Variants in EMB observed in about 807,000 individuals in gnomAD.
EMB encodes the protein embigin, also known as embigin homolog.
In EMB, 31 loss-of-function variants were observed where a neutral mutation model predicts 41.4. That is an observed-to-expected ratio of 0.75 (90% CI 0.56 to 1.01). The LOEUF (loss-of-function observed/expected upper bound fraction) is 1.01, where lower values mean the gene tolerates loss of function less well. Among genes scored for constraint, EMB ranks in the 50% least tolerant of loss-of-function variants. The probability of loss-of-function intolerance (pLI) is 0.00; values close to 1 mark genes in which losing one functional copy is unlikely to be tolerated. For synonymous variants in EMB, 137 were observed against 140.4 expected (o/e 0.98, Z 0.17); for missense variants, 379 against 388.3 (o/e 0.98, Z 0.20).
At chr5:50,422,278 T>C (rs1308258591) in intron 2 of EMB, among the ~76,000 whole-genome samples, 1 of 152,152 alleles carries the variant, frequency 6.6e-6, no homozygotes, top group Non-Finnish European at 1.5e-5. Context: ...TTTTAATGGA[T>C]TGGAGTAAAA....
Position 50,441,057 on chromosome 5 carries a change from G to A in EMB, c.95C>T (p.Ala32Val). The change falls in exon 1 of 9, where the codon GCG becomes GTG. Residue 32 changes from alanine to valine, a missense_variant. Ala to Val is a moderately conservative substitution (Grantham distance 64). Coordinates refer to ENST00000303221, the MANE Select transcript of EMB (RefSeq NM_198449.3). ...CATCACACCTGGGGCACTGCCGTCC[G>A]CCGAGCTTGGGCGCGCGGCAGCGAG... Reference protein sequence around the residue: ...CLLAAARPSSADGSAPDSPFT... With the variant: ...CLLAAARPSSVDGSAPDSPFT... 6.6e-7 allele frequency: 1 copy of A among 1,508,878 alleles called. No homozygotes were observed. Among genetic ancestry groups the A allele is most frequent in the South Asian group, 1.2e-5 (1 of 80,104 alleles). The allele number at this position is 1,508,878 out of a possible 1,614,324, so 93.5% of individuals were successfully genotyped here. A position where few individuals can be genotyped will look rare whatever the true frequency, so the allele number is the denominator to read the frequency against.
At chr5:50,403,143 TA>T in intron 6 of EMB, 34 bp downstream of exon 6, 2 of 1,311,338 alleles carry the variant, frequency 1.5e-6, no homozygotes, top group African/African-American at 1.6e-5. Context: ...TAATACTTTC[TA>T]AAAAAAACAA....
chr5:50,412,222 A>G (rs1287508272), intron 2 of EMB, among the ~76,000 whole-genome samples: 1 of 143,000 alleles, frequency 7.0e-6, no homozygotes, highest in African/African-American at 2.8e-5. Context: ...TATCTTGAAA[A>G]CAATACACAC....
intron 5 of EMB, 52 bp from the exon 6 acceptor site, chr5:50,403,506 C>A: frequency 6.4e-7 from 1 of 1,567,146 alleles, no homozygotes. Flanking sequence ...ATAAAAGATA[C>A]ATGACATAGT....
At chr5:50,428,880 A>ATTTATT (rs1194386847) in intron 1 of EMB, among the ~76,000 whole-genome samples, 2,247 of 151,408 alleles carry the variant, frequency 0.015, 56 homozygotes, top group African/African-American at 0.051. Flanking sequence ...TATTTATTTT[A>ATTTATT]TTTATTTTTA....
In EMB at chr5:50,441,080, G is replaced by T; in HGVS notation, c.72C>A (p.Leu24=). The T allele has an allele frequency of 2.0e-6, 3 of 1,518,202 alleles. No homozygotes were observed. Among genetic ancestry groups the T allele is most frequent in the Non-Finnish European group, 2.6e-6 (3 of 1,135,332 alleles). 94.0% of individuals were successfully genotyped at this position (1,518,202 alleles called of 1,614,324 possible). ...TPRLLLLQCL[L]AAARPSSADG... ...CCGCCGAGCTTGGGCGCGCGGCAGC[G>T]AGAAGGCACTGGAGGAGGAGCAGCC... The change falls in exon 1 of 9, where the codon CTC becomes CTA. Residue 24 remains leucine (L), a synonymous_variant. Coordinates refer to ENST00000303221, the MANE Select transcript of EMB (RefSeq NM_198449.3).
intron 2 of EMB, 120 bp from the exon 3 acceptor site, chr5:50,411,503 G>C (rs1357935053): frequency 4.4e-6 from 3 of 682,654 alleles, no homozygotes; most frequent in Admixed American, 6.7e-5. Context: ...ACATTCATTT[G>C]AAGAATTATT....
intron 1 of EMB, among the ~76,000 whole-genome samples, chr5:50,431,285 C>T (rs1278968771): frequency 1.3e-5 from 2 of 152,072 alleles, no homozygotes; most frequent in Admixed American, 1.3e-4. Flanking sequence ...GGTATTAGGA[C>T]AGTAAAAGAA....
chr5:50,441,105 C>A lies in EMB; in HGVS notation c.47G>T (p.Arg16Leu). 2 of 1,517,348 alleles carry A rather than the reference C, an allele frequency of 1.3e-6. No individual in the cohort carries two copies. Among genetic ancestry groups the A allele is most frequent in the Non-Finnish European group, 1.8e-6 (2 of 1,136,470 alleles). 94.0% of individuals were successfully genotyped at this position (1,517,348 alleles called of 1,614,324 possible). A position where few individuals can be genotyped will look rare whatever the true frequency, so the allele number is the denominator to read the frequency against. The change falls in exon 1 of 9, where the codon CGG becomes CTG. Residue 16 changes from arginine to leucine, a missense_variant. Physicochemically the swap from Arg to Leu is moderately radical, Grantham distance 102. Coordinates refer to ENST00000303221, the MANE Select transcript of EMB (RefSeq NM_198449.3). ...GAGAAGGCACTGGAGGAGGAGCAGCCGGGGCGTACGCGCCCTGGCCTCCAG... is the reference window on the plus strand; with the variant it reads ...GAGAAGGCACTGGAGGAGGAGCAGCAGGGGCGTACGCGCCCTGGCCTCCAG... Reference protein sequence around the residue: ...GLLEARARTPRLLLLQCLLAA... With the variant: ...GLLEARARTPLLLLLQCLLAA...
chr5:50,437,413 C>T (rs1745822720), intron 1 of EMB, among the ~76,000 whole-genome samples: 1 of 152,120 alleles, frequency 6.6e-6, no homozygotes, highest in African/African-American at 2.4e-5. Context: ...TACTCTTTTT[C>T]CCTTGATATT....
chr5:50,428,015 G>T (rs1298785456), intron 2 of EMB, 129 bp downstream of exon 2: 1 of 623,122 alleles, frequency 1.6e-6, no homozygotes, highest in South Asian at 2.0e-5. Context: ...GCTCACTACT[G>T]GTATGTTTTC....
rs187646088 is a variant in EMB, at chr5:50,399,644, C to T, written c.966+215G>A. Among the ~76,000 whole-genome samples, 500 of 152,052 alleles carry T rather than the reference C, an allele frequency of 3.3e-3. 1 individual carries two copies. The highest frequency in any genetic ancestry group is 4.9e-3 in the Non-Finnish European group (334 of 67,914). Reference sequence around the variant, plus strand: ...TGTAGCCAGTGCAAAAGATTTACTTCTAGATTAGTTGCTATGTGCCCTCTG... The same window carrying T: ...TGTAGCCAGTGCAAAAGATTTACTTTTAGATTAGTTGCTATGTGCCCTCTG... On this transcript the variant is annotated intron_variant, in intron 8 of 8. Transcript: ENST00000303221.
At position 50,440,943 on chromosome 5, in the gene EMB, A is replaced by G. The variant is rs1178689924; in HGVS notation, c.112+97T>C. The G allele has an allele frequency of 1.1e-5, 9 of 821,210 alleles. No individual in the cohort carries two copies. In the East Asian group the frequency reaches 1.4e-4, roughly 13 times the overall value. 50.9% of individuals were successfully genotyped at this position (821,210 alleles called of 1,614,324 possible). On this transcript the variant is annotated intron_variant, in intron 1 of 8. Coordinates refer to ENST00000303221, the MANE Select transcript of EMB (RefSeq NM_198449.3). ...CAGCATCCCCGCGCCTCTCCCCGCC[A>G]CCCTTGCCCGGCGCGCCGGCGATGC... is the stretch of plus-strand genomic sequence containing the variant.
chr5:50,435,550 T>A (rs1745790295), intron 1 of EMB, among the ~76,000 whole-genome samples: 1 of 152,188 alleles, frequency 6.6e-6, no homozygotes, highest in African/African-American at 2.4e-5. Flanking sequence ...ATATTTGAGG[T>A]AGGCATCTTT....
chr5:50,431,074 C>T (rs1282694424), intron 1 of EMB, among the ~76,000 whole-genome samples: 1 of 152,152 alleles, frequency 6.6e-6, no homozygotes, highest in Non-Finnish European at 1.5e-5. Context: ...AATCAGACAT[C>T]CATAAACCAA....
chr5:50,415,342 T>C (rs1745411827), intron 2 of EMB, among the ~76,000 whole-genome samples: 3 of 152,198 alleles, frequency 2.0e-5, no homozygotes, highest in African/African-American at 4.8e-5. Context: ...GCCTTGATTC[T>C]ATACCTTGCA....
chr5:50,421,353 T>C (rs1323799928), intron 2 of EMB, among the ~76,000 whole-genome samples: 1 of 152,160 alleles, frequency 6.6e-6, no homozygotes, highest in Admixed American at 6.5e-5. Context: ...AGATACCATC[T>C]CATACCAGTT....
rs780199076 is a variant in EMB at position 50,411,388 on chromosome 5, T to C, written c.197-5A>G. 2 of 1,576,644 alleles carry C rather than the reference T, an allele frequency of 1.3e-6. No homozygotes were observed. The highest frequency in any genetic ancestry group is 1.7e-6 in the Non-Finnish European group (2 of 1,158,824). Reference sequence around the variant, plus strand: ...CTACTGGCATACTAGAATGTTCTATTAGCACAAAAGAGGACAAAATGTGAA... The same window carrying C: ...CTACTGGCATACTAGAATGTTCTATCAGCACAAAAGAGGACAAAATGTGAA... On this transcript the variant is annotated splice_region_variant and splice_polypyrimidine_tract_variant and intron_variant, in intron 2 of 8. Transcript: ENST00000303221.
rs1369592597 is a variant in EMB at position 50,441,172 on chromosome 5, G to T, written c.-21C>A. The T allele has an allele frequency of 7.0e-7, 1 of 1,420,494 alleles. No homozygotes were observed. Among genetic ancestry groups the T allele is most frequent in the East Asian group, 2.9e-5 (1 of 34,750 alleles). The allele number at this position is 1,420,494 out of a possible 1,614,324, so 88.0% of individuals were successfully genotyped here. Reference sequence around the variant, plus strand: ...CGCATGGCGCCAGAGGGTCCGCCTGGGTCCTCGTGGAGACTGCTCCCTCAG... The same window carrying T: ...CGCATGGCGCCAGAGGGTCCGCCTGTGTCCTCGTGGAGACTGCTCCCTCAG... On this transcript the variant is annotated 5_prime_UTR_variant, in exon 1 of 9. Transcript: ENST00000303221.
Sources: allele counts gnomAD v4.1 joint callset (sites outside exome capture counted in the v4.1 genomes callset), GRCh38; gene constraint gnomAD v4.1.1; transcripts MANE v1.5; gene names NCBI Gene and HGNC (gene_info 2026-07-23, HGNC 2026-07-21).